Variants in FIGN observed in about 807,000 individuals in gnomAD.
FIGN encodes fidgetin, microtubule severing factor.
FIGN carries 11 observed loss-of-function variants against 51.3 expected under a neutral mutation model. The ratio of observed to expected loss-of-function variants is 0.21; its 90% CI spans 0.13 to 0.35. The LOEUF is 0.35. Among genes scored for constraint, FIGN ranks in the 10% least tolerant of loss-of-function variants. The pLI, the probability that FIGN is intolerant of heterozygous loss-of-function variation, is 1.00. For synonymous variants in FIGN, 407 were observed against 363.2 expected (o/e 1.12, Z -1.37); for missense variants, 857 against 943.6 (o/e 0.91, Z 1.20).
intron 2 of FIGN, among the ~76,000 whole-genome samples, chr2:163,612,055 G>T (rs985412025): frequency 6.6e-6 from 1 of 151,976 alleles, no homozygotes; most frequent in Admixed American, 6.6e-5. Flanking sequence ...TATATTTTTT[G>T]CATTTGTAAG....
intron 2 of FIGN, among the ~76,000 whole-genome samples, chr2:163,707,009 G>T (rs1684510304): frequency 6.6e-6 from 1 of 152,026 alleles, no homozygotes; most frequent in Non-Finnish European, 1.5e-5. Context: ...TGTCTTCATT[G>T]CCTAACATCA....
chr2:163,676,480 TA>T (rs1683971979), intron 2 of FIGN, among the ~76,000 whole-genome samples: 1 of 76,886 alleles, frequency 1.3e-5, no homozygotes, highest in Non-Finnish European at 2.9e-5. Flanking sequence ...TATATATATA[TA>T]TAACTAGAGT....
chr2:163,656,802 C>T (rs1053627867), intron 2 of FIGN, among the ~76,000 whole-genome samples: 23 of 152,108 alleles, frequency 1.5e-4, no homozygotes, highest in Admixed American at 1.2e-3. Context: ...TTTAAAATAG[C>T]AATACTCTTA....
intron 2 of FIGN, among the ~76,000 whole-genome samples, chr2:163,729,186 C>T (rs1176328911): frequency 6.6e-6 from 1 of 151,882 alleles, no homozygotes; most frequent in African/African-American, 2.4e-5. Flanking sequence ...TTGGGAAAAA[C>T]AAAATAGGTA....
intron 2 of FIGN, among the ~76,000 whole-genome samples, chr2:163,685,197 C>T (rs1684128253): frequency 1.3e-5 from 2 of 152,162 alleles, no homozygotes; most frequent in Admixed American, 1.3e-4. Context: ...TATACTCTCT[C>T]ATTGCTATCT....
At chr2:163,620,573 T>C (rs962545388) in intron 2 of FIGN, among the ~76,000 whole-genome samples, 2 of 152,172 alleles carry the variant, frequency 1.3e-5, no homozygotes, top group Non-Finnish European at 2.9e-5. Flanking sequence ...AACAGAGTAC[T>C]AAATGCCAAA....
At chr2:163,654,096 T>C (rs968434917) in intron 2 of FIGN, among the ~76,000 whole-genome samples, 1 of 152,106 alleles carries the variant, frequency 6.6e-6, no homozygotes, top group African/African-American at 2.4e-5. Context: ...TCTCGAGGAT[T>C]TGGAGGAAGA....
intron 2 of FIGN, among the ~76,000 whole-genome samples, chr2:163,681,974 A>G (rs1476983700): frequency 1.3e-5 from 2 of 152,226 alleles, no homozygotes; most frequent in East Asian, 3.8e-4. Context: ...CGGATTGGAC[A>G]TATCCCAAGT....
chr2:163,633,137 G>T (rs1683173253), intron 2 of FIGN, among the ~76,000 whole-genome samples: 1 of 152,032 alleles, frequency 6.6e-6, no homozygotes, highest in Non-Finnish European at 1.5e-5. Flanking sequence ...TGAGCCATGA[G>T]TGGACCACTG....
intron 2 of FIGN, among the ~76,000 whole-genome samples, chr2:163,733,864 CT>C (rs1278989354): frequency 7.1e-6 from 1 of 141,134 alleles, no homozygotes; most frequent in Non-Finnish European, 1.5e-5. Flanking sequence ...ACTGTTATTT[CT>C]TTTTTCATAT....
At chr2:163,655,706 A>G (rs1042759229) in intron 2 of FIGN, among the ~76,000 whole-genome samples, 8 of 152,040 alleles carry the variant, frequency 5.3e-5, no homozygotes, top group Non-Finnish European at 1.0e-4. Context: ...AGAGAAAAAT[A>G]TGTGGTTTAA....
At chr2:163,701,928 T>C (rs181063933) in intron 2 of FIGN, among the ~76,000 whole-genome samples, 1 of 152,228 alleles carries the variant, frequency 6.6e-6, no homozygotes, top group East Asian at 1.9e-4. Flanking sequence ...AACTGTAATT[T>C]TGGAAACTGA....
intron 2 of FIGN, among the ~76,000 whole-genome samples, chr2:163,676,425 G>T (rs1573943161): frequency 1.9e-5 from 2 of 104,302 alleles, no homozygotes; most frequent in African/African-American, 3.4e-5. Context: ...ACATCTCATG[G>T]ATTCCTGGAA....
chr2:163,724,338 A>G (rs1376514827), intron 2 of FIGN, among the ~76,000 whole-genome samples: 3 of 152,178 alleles, frequency 2.0e-5, no homozygotes, highest in Non-Finnish European at 2.9e-5. Flanking sequence ...TCAGTTCTGA[A>G]TAGATATCTT....
intron 2 of FIGN, among the ~76,000 whole-genome samples, chr2:163,709,069 C>T (rs532352490): frequency 1.9e-3 from 284 of 152,224 alleles, no homozygotes; most frequent in Non-Finnish European, 3.5e-3. Context: ...AGTCTTCATA[C>T]ATTCTGATGC....
In FIGN at chr2:163,609,477, G is replaced by T; in HGVS notation, c.*75C>A. 1 of 1,270,420 alleles carries T rather than the reference G, an allele frequency of 7.9e-7. No homozygotes were observed. Among genetic ancestry groups the T allele is most frequent in the Non-Finnish European group, 1.1e-6 (1 of 916,644 alleles). 78.7% of individuals were successfully genotyped at this position (1,270,420 alleles called of 1,614,324 possible). A position where few individuals can be genotyped will look rare whatever the true frequency, so the allele number is the denominator to read the frequency against. Reference sequence around the variant, plus strand: ...TGCAATTTAAACTCTACTGGAAAGGGGCTCTATTCCCTATGTAGCAGGTTT... The same window carrying T: ...TGCAATTTAAACTCTACTGGAAAGGTGCTCTATTCCCTATGTAGCAGGTTT... On this transcript the variant is annotated 3_prime_UTR_variant, in exon 3 of 3. Transcript: ENST00000333129.
chr2:163,632,977 G>A (rs1191316344), intron 2 of FIGN, among the ~76,000 whole-genome samples: 2 of 152,064 alleles, frequency 1.3e-5, no homozygotes, highest in African/African-American at 2.4e-5. Flanking sequence ...GATTGCTGGA[G>A]CCCAGAAGTT....
At position 163,610,266 on chromosome 2, in the gene FIGN, G is replaced by T. The variant is rs758645884; in HGVS notation, c.1566C>A (p.Ile522=). 17 of 1,614,086 alleles carry T rather than the reference G, an allele frequency of 1.1e-5. No homozygotes were observed. The highest frequency in any genetic ancestry group is 1.4e-5 in the Non-Finnish European group (17 of 1,180,024). The change falls in exon 3 of 3, where the codon ATC becomes ATA. Residue 522 remains isoleucine (I), a synonymous_variant. Transcript: ENST00000333129. ...FSGLTALPRS[I]LLFGPRGTGK... is the part of the protein sequence containing the mutation. ...CTGTCCCCCGAGGTCCAAATAAAAG[G>T]ATGCTCCGAGGTAAGGCCGTCAGTC...
intron 2 of FIGN, among the ~76,000 whole-genome samples, chr2:163,677,833 C>T (rs1683996932): frequency 6.6e-6 from 1 of 152,184 alleles, no homozygotes; most frequent in African/African-American, 2.4e-5. Flanking sequence ...CCTTTCCTAT[C>T]TTTTACTTTC....
Sources: allele counts gnomAD v4.1 joint callset (sites outside exome capture counted in the v4.1 genomes callset), GRCh38; gene constraint gnomAD v4.1.1; transcripts MANE v1.5; gene names NCBI Gene and HGNC (gene_info 2026-07-23, HGNC 2026-07-21).